ERBB4: variants seen among roughly 807,000 people sequenced by gnomAD.
ERBB4 encodes erb-b2 receptor tyrosine kinase 4.
In ERBB4, 42 loss-of-function variants were observed where a neutral mutation model predicts 158.0. That is an observed-to-expected ratio of 0.27 (90% CI 0.21 to 0.34). The LOEUF (loss-of-function observed/expected upper bound fraction) is 0.34. Among genes scored for constraint, ERBB4 ranks in the 10% least tolerant of loss-of-function variants. ERBB4 has a pLI of 1.00. For missense variants in ERBB4, 1,333 were observed against 1,624.1 expected (o/e 0.82, Z 3.08); for synonymous variants, 583 against 558.7 (o/e 1.04, Z -0.61).
intron 23 of ERBB4, among the ~76,000 whole-genome samples, chr2:211,422,548 A>G (rs1372630499): frequency 2.0e-5 from 3 of 151,628 alleles, no homozygotes; most frequent in African/African-American, 7.3e-5. Flanking sequence ...AGCAATAGAC[A>G]TTAGCTTATC....
At chr2:212,146,803 A>G (rs893060413) in intron 1 of ERBB4, among the ~76,000 whole-genome samples, 4 of 152,082 alleles carry the variant, frequency 2.6e-5, no homozygotes, top group Non-Finnish European at 5.9e-5. Context: ...ATTGATTTGG[A>G]AAGGCAGTAG....
intron 3 of ERBB4, among the ~76,000 whole-genome samples, chr2:211,839,300 T>C (rs2077419085): frequency 6.6e-6 from 1 of 151,976 alleles, no homozygotes. Flanking sequence ...ATTTCTCTTC[T>C]GTGCCTTAAG....
chr2:212,413,849 G>T (rs2091574549), intron 1 of ERBB4, among the ~76,000 whole-genome samples: 1 of 152,060 alleles, frequency 6.6e-6, no homozygotes, highest in Non-Finnish European at 1.5e-5. Flanking sequence ...ATTATCTATA[G>T]TGATTGTTAC....
At chr2:212,461,905 C>G (rs1842767) in intron 1 of ERBB4, among the ~76,000 whole-genome samples, 61,563 of 152,016 alleles carry the variant, frequency 0.4, 12,878 homozygotes, top group African/African-American at 0.46. Flanking sequence ...AGCTCTCTCT[C>G]TTTGCCTGCT....
intron 20 of ERBB4, among the ~76,000 whole-genome samples, chr2:211,488,809 T>C (rs2065269282): frequency 1.3e-5 from 2 of 152,022 alleles, no homozygotes; most frequent in African/African-American, 4.8e-5. Context: ...TCTCAGACAT[T>C]GCAGAGTAAA....
At chr2:212,428,162 A>G (rs955492805) in intron 1 of ERBB4, among the ~76,000 whole-genome samples, 1 of 152,156 alleles carries the variant, frequency 6.6e-6, no homozygotes, top group Non-Finnish European at 1.5e-5. Context: ...CAAGAATGAC[A>G]TACAAATTGG....
chr2:212,163,616 G>A (rs2081265588), intron 1 of ERBB4, among the ~76,000 whole-genome samples: 2 of 151,976 alleles, frequency 1.3e-5, no homozygotes, highest in South Asian at 4.1e-4. Flanking sequence ...ATAATTTCAG[G>A]TGGCACATGA....
At chr2:211,620,006 A>G (rs139955131) in intron 18 of ERBB4, among the ~76,000 whole-genome samples, 74 of 152,256 alleles carry the variant, frequency 4.9e-4, no homozygotes, top group African/African-American at 1.6e-3. Flanking sequence ...AACAGGATTT[A>G]TCCCTTGGGA....
intron 2 of ERBB4, among the ~76,000 whole-genome samples, chr2:212,036,938 A>T (rs947623819): frequency 3.9e-5 from 6 of 152,208 alleles, no homozygotes; most frequent in Non-Finnish European, 5.9e-5. Context: ...AATCCTAGAG[A>T]TAGCAGAAAT....
chr2:212,134,262 A>G (rs1466574012), intron 1 of ERBB4, among the ~76,000 whole-genome samples: 2 of 152,130 alleles, frequency 1.3e-5, no homozygotes, highest in Non-Finnish European at 2.9e-5. Flanking sequence ...ACATTCTTGA[A>G]TGAATCATAT....
chr2:212,237,265 G>A (rs1466053423), intron 1 of ERBB4, among the ~76,000 whole-genome samples: 26 of 152,028 alleles, frequency 1.7e-4, no homozygotes, highest in South Asian at 2.1e-4. Context: ...GTTTTTGTGC[G>A]GACATCCTTT....
chr2:212,408,655 T>TA lies in ERBB4; in HGVS notation c.82+129793dup, dbSNP rs1560239214. 2.0e-5 allele frequency among the ~76,000 whole-genome samples: 3 copies of TA among 152,158 alleles called. No individual in the cohort carries two copies. The South Asian group carries it at 6.2e-4, about 32-fold the overall frequency. Reference sequence around the variant, plus strand: ...GACGATACAGTGAGACTTCATCTCTTACAAAAAAGAAAATACTGATGCTGA... The same window carrying TA: ...GACGATACAGTGAGACTTCATCTCTTAACAAAAAAGAAAATACTGATGCTGA... On this transcript the variant is annotated intron_variant, in intron 1 of 27. Coordinates refer to ENST00000342788, the MANE Select transcript of ERBB4 (RefSeq NM_005235.3).
intron 2 of ERBB4, among the ~76,000 whole-genome samples, chr2:212,076,250 TTTAA>T (rs1456135517): frequency 6.6e-6 from 1 of 151,884 alleles, no homozygotes; most frequent in East Asian, 1.9e-4. Flanking sequence ...TATTTCGGAC[TTTAA>T]TTACTTCAAC....
intron 3 of ERBB4, among the ~76,000 whole-genome samples, chr2:211,793,654 T>A (rs58918948): frequency 6.6e-6 from 1 of 151,860 alleles, no homozygotes; most frequent in South Asian, 2.1e-4. Flanking sequence ...AAAAGTAATA[T>A]AGCTCACATC....
intron 1 of ERBB4, among the ~76,000 whole-genome samples, chr2:212,386,734 TA>T (rs2090689710): frequency 6.6e-6 from 1 of 152,050 alleles, no homozygotes; most frequent in African/African-American, 2.4e-5. Flanking sequence ...CTACCTGGAA[TA>T]AGCTCACTAC....
At chr2:212,303,888 T>C (rs1249636549) in intron 1 of ERBB4, among the ~76,000 whole-genome samples, 2 of 151,534 alleles carry the variant, frequency 1.3e-5, no homozygotes, top group Non-Finnish European at 1.5e-5. Flanking sequence ...ATGGACTCTA[T>C]AACAAAATTA....
intron 3 of ERBB4, among the ~76,000 whole-genome samples, chr2:211,814,797 G>A (rs1456452302): frequency 2.6e-5 from 4 of 152,122 alleles, no homozygotes; most frequent in Admixed American, 1.3e-4. Flanking sequence ...AAAGTTTCTC[G>A]ATAATGTTTC....
chr2:212,420,734 T>C (rs544714062), intron 1 of ERBB4, among the ~76,000 whole-genome samples: 2 of 152,254 alleles, frequency 1.3e-5, no homozygotes, highest in African/African-American at 4.8e-5. Context: ...ATAAAGAATT[T>C]TGCAAGGTAA....
chr2:212,170,191 T>C (rs1020782754), intron 1 of ERBB4, among the ~76,000 whole-genome samples: 1 of 152,064 alleles, frequency 6.6e-6, no homozygotes, highest in African/African-American at 2.4e-5. Context: ...AACAATGAAG[T>C]CCAGGCTGAG....
Sources: gnomAD v4.1 joint callset for allele counts (sites outside exome capture counted in the v4.1 genomes callset) on GRCh38, gnomAD v4.1.1 for gene constraint, MANE v1.5 for transcripts, NCBI Gene and HGNC (gene_info 2026-07-23, HGNC 2026-07-21) for gene names.